Variants in ULK4 observed in about 807,000 individuals in gnomAD.
The protein encoded by ULK4 is unc-51 like kinase 4.
A neutral mutation model predicts 160.6 loss-of-function variants in ULK4; 133 were observed. The ratio of observed to expected loss-of-function variants is 0.83; its 90% confidence interval spans 0.72 to 0.96. The LOEUF is 0.96. ULK4 is among the 40% of genes least tolerant of loss of function. The pLI is 0.00. For synonymous variants in ULK4, 534 were observed against 539.8 expected (o/e 0.99, Z 0.15); for missense variants, 1,580 against 1,499.5 (o/e 1.05, Z -0.89).
At chr3:41,864,860 T>A (rs112704017) in intron 17 of ULK4, among the ~76,000 whole-genome samples, 76 of 152,302 alleles carry the variant, frequency 5.0e-4, no homozygotes, top group Non-Finnish European at 8.7e-4. Flanking sequence ...TTAAGAACTA[T>A]CTACCCTCAG....
rs796881778 is a variant in ULK4, at chr3:41,396,156, T to A, written c.3678+1923A>T. Among the ~76,000 whole-genome samples, 90 of 152,206 alleles carry A rather than the reference T, an allele frequency of 5.9e-4. 1 individual carries two copies. The highest frequency in any genetic ancestry group is 1.9e-3 in the African/African-American group (80 of 41,548). The stretch of plus-strand genomic sequence containing the variant: ...TTCAAAAACACATACGGTAGCAAAA[T>A]CCTGAACTCACAGGAGCCCATGTTT... On this transcript the variant is annotated intron_variant, in intron 35 of 36. Coordinates refer to ENST00000301831, the MANE Select transcript of ULK4 (RefSeq NM_017886.4).
In ULK4 at chr3:41,463,324, A is replaced by T. The variant is rs1351768006; in HGVS notation, c.3227-71T>A. 4.8e-6 allele frequency: 7 copies of T among 1,470,584 alleles called. No individual in the cohort carries two copies. In the Admixed American group the frequency reaches 1.3e-4, roughly 28 times the overall value. The allele number at this position is 1,470,584 out of a possible 1,614,324, so 91.1% of individuals were successfully genotyped here. On this transcript the variant is annotated intron_variant, in intron 32 of 36. Coordinates refer to ENST00000301831, the MANE Select transcript of ULK4 (RefSeq NM_017886.4). ...CAAATGTGTCATATGAACCAAAAAG[A>T]GAGGCATTCTGGCTCTATGTTGCAT...
chr3:41,770,754 C>G (rs1373769304), intron 21 of ULK4, among the ~76,000 whole-genome samples: 5 of 152,080 alleles, frequency 3.3e-5, no homozygotes, highest in Non-Finnish European at 5.9e-5. Context: ...CTCAAGTGAT[C>G]CACCCACCTC....
chr3:41,459,436 G>C (rs141083651), intron 33 of ULK4, among the ~76,000 whole-genome samples: 1 of 151,960 alleles, frequency 6.6e-6, no homozygotes, highest in Non-Finnish European at 1.5e-5. Context: ...GGTGCGGCTC[G>C]GATCAATTCA....
intron 19 of ULK4, among the ~76,000 whole-genome samples, chr3:41,807,462 T>C (rs574041827): frequency 4.6e-5 from 7 of 152,296 alleles, no homozygotes; most frequent in South Asian, 2.1e-4. Context: ...GCAGAAGATA[T>C]TGAGTAATGT....
At chr3:41,953,684 T>C (rs1450799587) in intron 2 of ULK4, among the ~76,000 whole-genome samples, 1 of 152,114 alleles carries the variant, frequency 6.6e-6, no homozygotes, top group Non-Finnish European at 1.5e-5. Context: ...GACAGTAAAT[T>C]GCAGAGGTTG....
rs1295878021 is a variant in ULK4, at chr3:41,641,930, C to T, written c.3071+21677G>A. 2.0e-5 allele frequency among the ~76,000 whole-genome samples: 3 copies of T among 148,178 alleles called. No homozygotes were observed. The Admixed American group carries it at 2.0e-4, about 10-fold the overall frequency. On this transcript the variant is annotated intron_variant, in intron 30 of 36. Coordinates refer to ENST00000301831, the MANE Select transcript of ULK4 (RefSeq NM_017886.4). ...CACTCTTGCTGCCCAGGCTGGAGTG[C>T]AATGGCGTGATCTCGGCTCACTGCA... is the stretch of plus-strand genomic sequence containing the variant.
intron 21 of ULK4, among the ~76,000 whole-genome samples, chr3:41,768,408 T>C (rs1212729055): frequency 2.0e-5 from 3 of 152,190 alleles, no homozygotes; most frequent in Admixed American, 2.0e-4. Context: ...AGAAAAGTGG[T>C]AGAAGTGATG....
intron 11 of ULK4, among the ~76,000 whole-genome samples, chr3:41,908,452 T>C (rs1209054562): frequency 6.6e-6 from 1 of 152,144 alleles, no homozygotes; most frequent in Non-Finnish European, 1.5e-5. Context: ...TTTTCACTTT[T>C]TTTTTCTTTT....
At chr3:41,825,078 C>T (rs1236058272) in intron 18 of ULK4, among the ~76,000 whole-genome samples, 1 of 152,218 alleles carries the variant, frequency 6.6e-6, no homozygotes, top group Non-Finnish European at 1.5e-5. Flanking sequence ...CTCCAGCAAA[C>T]TCCAACAGAC....
intron 1 of ULK4, among the ~76,000 whole-genome samples, chr3:41,958,895 A>C (rs925734567): frequency 2.0e-5 from 3 of 152,184 alleles, no homozygotes; most frequent in Admixed American, 6.6e-5. Context: ...AACCAGAGAC[A>C]ATAAGCAAAG....
At chr3:41,901,367 A>T (rs1256245989) in intron 12 of ULK4, among the ~76,000 whole-genome samples, 1 of 151,114 alleles carries the variant, frequency 6.6e-6, no homozygotes, top group African/African-American at 2.4e-5. Flanking sequence ...TTTTTAGTAG[A>T]AACAGGGTTT....
At chr3:41,370,856 T>C (rs1174410983) in intron 35 of ULK4, among the ~76,000 whole-genome samples, 2 of 152,160 alleles carry the variant, frequency 1.3e-5, no homozygotes, top group Admixed American at 6.5e-5. Context: ...GCTCAGCGGA[T>C]TCTACCCCCA....
chr3:41,445,407 C>T (rs1366226029), intron 34 of ULK4, among the ~76,000 whole-genome samples: 3 of 152,146 alleles, frequency 2.0e-5, no homozygotes, highest in South Asian at 2.1e-4. Flanking sequence ...AAAGAGCCTG[C>T]ATCGCCAAGT....
intron 33 of ULK4, 148 bp downstream of exon 33, chr3:41,462,939 G>A (rs897884201): frequency 1.0e-6 from 1 of 975,382 alleles, no homozygotes; most frequent in African/African-American, 1.6e-5. Context: ...GTCACCCAAA[G>A]ATGACTCTTC....
At chr3:41,680,213 A>T (rs1258516254) in intron 29 of ULK4, among the ~76,000 whole-genome samples, 1 of 152,204 alleles carries the variant, frequency 6.6e-6, no homozygotes, top group African/African-American at 2.4e-5. Flanking sequence ...ATATATAACA[A>T]ATGTAACTGA....
chr3:41,656,935 T>A (rs1034449369), intron 30 of ULK4, among the ~76,000 whole-genome samples: 4 of 152,152 alleles, frequency 2.6e-5, no homozygotes, highest in African/African-American at 7.2e-5. Flanking sequence ...TATCTCTTAA[T>A]GGAAACAAGA....
At chr3:41,602,256 GAAA>G (rs2032120138) in intron 31 of ULK4, among the ~76,000 whole-genome samples, 2 of 22,510 alleles carry the variant, frequency 8.9e-5, no homozygotes, top group African/African-American at 5.2e-4. Context: ...AGAGAAAAAG[GAAA>G]GGAAAGGAAA....
chr3:41,618,124 T>C (rs915099176), intron 30 of ULK4, among the ~76,000 whole-genome samples: 4 of 152,116 alleles, frequency 2.6e-5, no homozygotes, highest in African/African-American at 9.7e-5. Context: ...TGGGACTATG[T>C]GAAAAGACCA....
Sources: allele counts gnomAD v4.1 joint callset (sites outside exome capture counted in the v4.1 genomes callset), GRCh38; gene constraint gnomAD v4.1.1; transcripts MANE v1.5; gene names NCBI Gene and HGNC (gene_info 2026-07-23, HGNC 2026-07-21).